Variants in SCN1A observed in about 807,000 individuals in gnomAD.
SCN1A encodes the protein sodium voltage-gated channel alpha subunit 1.
In SCN1A, 13 loss-of-function variants were observed where a neutral mutation model predicts 193.7. The ratio of observed to expected loss-of-function variants is 0.07; its 90% CI spans 0.04 to 0.11. The LOEUF is 0.11. Among genes scored for constraint, SCN1A ranks in the 10% least tolerant of loss-of-function variants. The probability of loss-of-function intolerance (pLI) is 1.00; values close to 1 mark genes in which losing one functional copy is unlikely to be tolerated. For missense variants in SCN1A, 1,432 were observed against 2,451.1 expected (o/e 0.58, Z 8.78); for synonymous variants, 781 against 843.6 (o/e 0.93, Z 1.29).
intron 23 of SCN1A, among the ~76,000 whole-genome samples, chr2:166,008,738 G>T (rs1306656818): frequency 6.6e-6 from 1 of 150,952 alleles, no homozygotes; most frequent in Non-Finnish European, 1.5e-5. Flanking sequence ...GCAAATGGAA[G>T]TCTACAATAC....
chr2:166,141,505 A>G (rs986588596), intron 1 of SCN1A, among the ~76,000 whole-genome samples: 2 of 152,154 alleles, frequency 1.3e-5, no homozygotes, highest in African/African-American at 4.8e-5. Flanking sequence ...CAGCCTGGGC[A>G]ACATACTGAG....
intron 1 of SCN1A, among the ~76,000 whole-genome samples, chr2:166,148,895 A>C (rs1427885490): frequency 1.3e-5 from 2 of 152,204 alleles, no homozygotes; most frequent in Non-Finnish European, 2.9e-5. Context: ...AAGTGTCTCA[A>C]AGCCAGGATT....
At chr2:166,097,113 C>T (rs906241694) in intron 2 of SCN1A, among the ~76,000 whole-genome samples, 1 of 151,802 alleles carries the variant, frequency 6.6e-6, no homozygotes, top group African/African-American at 2.4e-5. Context: ...CCTAACTCTC[C>T]CAGGTTCAAG....
At chr2:166,117,613 A>T (rs188012952) in intron 2 of SCN1A, among the ~76,000 whole-genome samples, 36 of 152,342 alleles carry the variant, frequency 2.4e-4, no homozygotes, top group Non-Finnish European at 7.3e-5. Context: ...TTATGAAAAT[A>T]GTTTGGACCT....
At chr2:166,055,338 GT>G (rs1385695844) in intron 6 of SCN1A, among the ~76,000 whole-genome samples, 1 of 151,826 alleles carries the variant, frequency 6.6e-6, no homozygotes, top group Non-Finnish European at 1.5e-5. Context: ...TGTTTCCAAA[GT>G]TTAAATCTTC....
chr2:166,011,958 TC>T, intron 22 of SCN1A, 150 bp downstream of exon 22: 1 of 688,600 alleles, frequency 1.5e-6, no homozygotes, highest in Non-Finnish European at 2.6e-6. Context: ...GCCCTTGTCT[TC>T]CAGAAATGAC....
chr2:166,107,253 A>G (rs1341222453), intron 2 of SCN1A, among the ~76,000 whole-genome samples: 13 of 152,178 alleles, frequency 8.5e-5, no homozygotes, highest in Admixed American at 8.5e-4. Flanking sequence ...ACCTCCCAGT[A>G]TATTTGCTTG....
chr2:166,056,248 G>A (rs192307304), intron 6 of SCN1A, among the ~76,000 whole-genome samples, 163 bp downstream of exon 6: 4 of 152,146 alleles, frequency 2.6e-5, no homozygotes, highest in African/African-American at 9.6e-5. Flanking sequence ...TCAGTATAAC[G>A]CCAGCAGGCC....
At chr2:166,047,583 G>A (rs1359641137) in intron 11 of SCN1A, 44 bp downstream of exon 11, 5 of 1,604,966 alleles carry the variant, frequency 3.1e-6, no homozygotes, top group South Asian at 1.1e-5. Context: ...TGGTTTTCTT[G>A]TATACTTTTA....
intron 24 of SCN1A, among the ~76,000 whole-genome samples, chr2:166,002,011 C>T (rs1690939456): frequency 1.3e-5 from 2 of 149,034 alleles, no homozygotes; most frequent in African/African-American, 4.9e-5. Flanking sequence ...AACTTTGATC[C>T]AAATAATAGA....
intron 26 of SCN1A, chr2:165,996,319 TTTATTA>T: frequency 2.4e-6 from 1 of 415,960 alleles, no homozygotes; most frequent in South Asian, 2.7e-5. Context: ...CAAAATTGAC[TTTATTA>T]TTATTATCTT....
rs1310066991 is a variant in SCN1A at position 165,992,554 on chromosome 2, A to AAT, written c.4853-134_4853-133dup. Reference sequence around the variant, plus strand: ...TATATTAAATATGACAACTATATATAATATATATATAATTGTACATAATAT... The same window carrying AAT: ...TATATTAAATATGACAACTATATATAATATATATATATAATTGTACATAATAT... On this transcript the variant is annotated intron_variant, in intron 28 of 28. Transcript: ENST00000674923. The surrounding 1 kb of genome is among the most constrained non-coding windows in gnomAD (Gnocchi z 6.5). The AAT allele has an allele frequency of 3.3e-5, 20 of 608,050 alleles. No homozygotes were observed. The highest frequency in any genetic ancestry group is 1.6e-4 in the South Asian group (6 of 38,538). The allele number at this position is 608,050 out of a possible 1,614,324, so 37.7% of individuals were successfully genotyped here.
chr2:166,067,244 T>C (rs1369161014), intron 4 of SCN1A, among the ~76,000 whole-genome samples: 1 of 152,104 alleles, frequency 6.6e-6, no homozygotes, highest in Admixed American at 6.6e-5. Context: ...CACCTCCCTG[T>C]CTCTGTCTCA....
chr2:166,146,639 A>G (rs7591278), intron 1 of SCN1A, among the ~76,000 whole-genome samples: 122,926 of 152,204 alleles, frequency 0.81, 50,257 homozygotes, highest in African/African-American at 0.94. Context: ...AATAGTACTG[A>G]GTTGAGAAAC....
Position 166,042,283 on chromosome 2 carries a change from GT to G in SCN1A, c.2176+8del. The G allele has an allele frequency of 6.2e-7, 1 of 1,610,964 alleles. No homozygotes were observed. The highest frequency in any genetic ancestry group is 8.5e-7 in the Non-Finnish European group (1 of 1,178,502). Reference sequence around the variant, plus strand: ...AATAATTGAAACGAAAATAGAATTTGTTACCAACCTTCTACTGTATTTGTTA... The same window carrying G: ...AATAATTGAAACGAAAATAGAATTTGTACCAACCTTCTACTGTATTTGTTA... On this transcript the variant is annotated splice_region_variant and intron_variant, in intron 15 of 28. Coordinates refer to ENST00000674923, the MANE Select transcript of SCN1A (RefSeq NM_001165963.4).
chr2:166,067,520 A>C (rs1432993213), intron 4 of SCN1A, among the ~76,000 whole-genome samples: 1 of 151,878 alleles, frequency 6.6e-6, no homozygotes, highest in Non-Finnish European at 1.5e-5. Context: ...GCAAATCCAA[A>C]CTAACATGGC....
At chr2:166,034,284 C>T (rs1027296310) in intron 19 of SCN1A, among the ~76,000 whole-genome samples, 8 of 152,098 alleles carry the variant, frequency 5.3e-5, no homozygotes, top group Non-Finnish European at 1.2e-4. Flanking sequence ...AATATTAGCC[C>T]CCTACTCCTA....
At chr2:166,148,466 C>A (rs190936273) in intron 1 of SCN1A, among the ~76,000 whole-genome samples, 4 of 152,308 alleles carry the variant, frequency 2.6e-5, no homozygotes, top group Admixed American at 2.6e-4. Flanking sequence ...CTCCTAAACA[C>A]AGCACAGTTT....
chr2:166,108,856 A>G (rs1427605302), intron 2 of SCN1A, among the ~76,000 whole-genome samples: 3 of 152,158 alleles, frequency 2.0e-5, no homozygotes, highest in African/African-American at 7.2e-5. Flanking sequence ...CTCAATGGAA[A>G]TGTTCTAAAA....
Sources: allele counts gnomAD v4.1 joint callset (sites outside exome capture counted in the v4.1 genomes callset), GRCh38; gene constraint gnomAD v4.1.1; non-coding constraint Gnocchi (gnomAD v3.1); transcripts MANE v1.5; gene names NCBI Gene and HGNC (gene_info 2026-07-23, HGNC 2026-07-21).